LIPI: variants seen among roughly 807,000 people sequenced by gnomAD.
LIPI encodes the protein lipase member I.
Under a neutral mutation model 50.6 loss-of-function variants are expected in LIPI, and 59 were observed. That is an observed-to-expected ratio of 1.16 (90% CI 0.94 to 1.45). LIPI has a LOEUF of 1.45. Ranked by LOEUF, LIPI falls within the 40% of genes most tolerant of loss-of-function variation. The pLI is 0.00. For missense variants in LIPI, 586 were observed against 536.3 expected, an observed-to-expected ratio of 1.09 and a Z score of -0.92; for synonymous variants, 203 against 178.2, an observed-to-expected ratio of 1.14 and a Z score of -1.11.
At chr21:14,169,683 A>C (rs1226507602) in intron 4 of LIPI, among the ~76,000 whole-genome samples, 1 of 152,246 alleles carries the variant, frequency 6.6e-6, no homozygotes, top group African/African-American at 2.4e-5. Context: ...AAGACACAAC[A>C]TACCAGAATC....
At chr21:14,111,703 T>C (rs1168495494) in intron 9 of LIPI, among the ~76,000 whole-genome samples, 1 of 152,114 alleles carries the variant, frequency 6.6e-6, no homozygotes, top group East Asian at 1.9e-4. Context: ...TATTTTCTTC[T>C]AGCAAGTTTA....
rs529537782 is a variant in LIPI, at chr21:14,133,450, A to C, written c.1295+11173T>G. 1.5e-4 allele frequency among the ~76,000 whole-genome samples: 23 copies of C among 152,346 alleles called. 1 individual carries two copies. In the East Asian group the frequency reaches 1.9e-3, roughly 13 times the overall value. ...TCTTTTCACGAGAAAAATTCTCAAC[A>C]AACTAGACATAGAAGGAACATACCT... On this transcript the variant is annotated intron_variant, in intron 9 of 9. Transcript: ENST00000681601.
At chr21:14,112,981 T>C (rs1279427617) in intron 9 of LIPI, among the ~76,000 whole-genome samples, 1 of 152,172 alleles carries the variant, frequency 6.6e-6, no homozygotes, top group East Asian at 1.9e-4. Flanking sequence ...GTCCACTCGA[T>C]AAGGCACATA....
intron 1 of LIPI, among the ~76,000 whole-genome samples, chr21:14,196,997 C>A (rs1025189027): frequency 2.7e-5 from 4 of 149,782 alleles, no homozygotes; most frequent in African/African-American, 7.4e-5. Flanking sequence ...CTGGAATAAC[C>A]CTAATATCAA....
Position 14,203,531 on chromosome 21 carries a change from G to A in LIPI, c.46+7269C>T, listed in dbSNP as rs1568886891. Among the ~76,000 whole-genome samples the A allele has an allele frequency of 2.6e-5, 4 of 151,936 alleles. No individual in the cohort carries two copies. The South Asian group carries it at 8.3e-4, about 32-fold the overall frequency. ...AAAAAAGGATGAGTTCATGTCCTTT[G>A]TAGGGACATGGATGAAGCTGGAAAC... On this transcript the variant is annotated intron_variant, in intron 1 of 9. Transcript: ENST00000681601.
At chr21:14,145,740 G>A (rs2017881359) in intron 8 of LIPI, among the ~76,000 whole-genome samples, 1 of 152,164 alleles carries the variant, frequency 6.6e-6, no homozygotes, top group African/African-American at 2.4e-5. Flanking sequence ...TCAGTTCAAA[G>A]AAGTTTCTCT....
intron 9 of LIPI, among the ~76,000 whole-genome samples, chr21:14,141,466 A>G (rs1388818458): frequency 1.3e-5 from 2 of 151,494 alleles, no homozygotes; most frequent in Non-Finnish European, 1.5e-5. Flanking sequence ...TCGTTCTTAT[A>G]TGGATTTTTG....
At chr21:14,175,549 T>C (rs2019064850) in intron 4 of LIPI, among the ~76,000 whole-genome samples, 2 of 152,292 alleles carry the variant, frequency 1.3e-5, no homozygotes, top group South Asian at 4.1e-4. Context: ...TTATATAATC[T>C]GACATTTTAA....
At chr21:14,137,153 C>G (rs1466026219) in intron 9 of LIPI, among the ~76,000 whole-genome samples, 2 of 152,030 alleles carry the variant, frequency 1.3e-5, no homozygotes, top group African/African-American at 4.8e-5. Context: ...ACAATAAACA[C>G]CTAACTCTTC....
chr21:14,126,092 T>G (rs906300322), intron 9 of LIPI, among the ~76,000 whole-genome samples: 2 of 152,136 alleles, frequency 1.3e-5, no homozygotes, highest in Non-Finnish European at 2.9e-5. Context: ...TCTTACATTT[T>G]GCTGGTAGGA....
chr21:14,119,707 T>C (rs1568832396), intron 9 of LIPI, among the ~76,000 whole-genome samples: 1 of 152,198 alleles, frequency 6.6e-6, no homozygotes, highest in Non-Finnish European at 1.5e-5. Context: ...CTTTTACCTG[T>C]ATGTTCATGA....
rs2016301847 is a variant in LIPI, at chr21:14,109,049, T to C, written c.1327A>G (p.Lys443Glu). ...PPLCRYNIVL[K>E]DREEVFLNPN... ...TTAAGAAACACTTCCTCTCTGTCTT[T>C]AAGTACAATATTATACCTGCAAAGT... Residue 443 changes from lysine to glutamate, a missense_variant, in exon 10 of 10, where the codon AAA becomes GAA. By Grantham distance (56) the Lys-to-Glu change is moderately conservative. Coordinates refer to ENST00000681601, the MANE Select transcript of LIPI (RefSeq NM_001302998.2). The C allele has an allele frequency of 1.3e-6, 2 of 1,596,338 alleles. No individual in the cohort carries two copies. The highest frequency in any genetic ancestry group is 1.7e-6 in the Non-Finnish European group (2 of 1,164,318).
At chr21:14,194,957 T>C (rs2019795520) in intron 1 of LIPI, among the ~76,000 whole-genome samples, 1 of 152,148 alleles carries the variant, frequency 6.6e-6, no homozygotes, top group Admixed American at 6.6e-5. Context: ...GAAAAAAATT[T>C]AGACACTGGA....
intron 8 of LIPI, among the ~76,000 whole-genome samples, chr21:14,147,365 C>T (rs1022426305): frequency 6.6e-6 from 1 of 152,042 alleles, no homozygotes; most frequent in African/African-American, 2.4e-5. Context: ...ATTTGACTAT[C>T]CTTATATGTC....
At chr21:14,182,928 C>A (rs546750936) in intron 3 of LIPI, among the ~76,000 whole-genome samples, 3 of 152,112 alleles carry the variant, frequency 2.0e-5, no homozygotes, top group Non-Finnish European at 4.4e-5. Flanking sequence ...CAATGCCATC[C>A]CCATCAAGCT....
intron 7 of LIPI, among the ~76,000 whole-genome samples, chr21:14,158,583 T>C (rs1388997119): frequency 6.7e-6 from 1 of 148,446 alleles, no homozygotes; most frequent in Non-Finnish European, 1.5e-5. Flanking sequence ...TGTGTAGAAA[T>C]ATATATTTTA....
intron 5 of LIPI, 46 bp downstream of exon 5, chr21:14,166,316 T>C: frequency 9.5e-7 from 1 of 1,053,012 alleles, no homozygotes; most frequent in Non-Finnish European, 1.5e-6. Context: ...TTTTCTTTCA[T>C]CATTTCGAAT....
chr21:14,117,862 C>A (rs138927450), intron 9 of LIPI, among the ~76,000 whole-genome samples: 1 of 151,804 alleles, frequency 6.6e-6, no homozygotes, highest in African/African-American at 2.4e-5. Context: ...GGAGGCCAAG[C>A]GTAGAGTGAA....
At chr21:14,177,516 C>A (rs966120172) in intron 4 of LIPI, among the ~76,000 whole-genome samples, 1 of 151,876 alleles carries the variant, frequency 6.6e-6, no homozygotes, top group African/African-American at 2.4e-5. Flanking sequence ...TCTTTTCTTG[C>A]CTTCTTTTAG....
Sources: allele counts gnomAD v4.1 joint callset (sites outside exome capture counted in the v4.1 genomes callset), GRCh38; gene constraint gnomAD v4.1.1; transcripts MANE v1.5; gene names NCBI Gene and HGNC (gene_info 2026-07-23, HGNC 2026-07-21).